Variants in ADGRL3 observed in about 807,000 individuals in gnomAD.
ADGRL3 encodes adhesion G protein-coupled receptor L3, also known as calcium-independent alpha-latrotoxin receptor 3.
In ADGRL3, 62 loss-of-function variants were observed where a neutral mutation model predicts 153.5. The ratio of observed to expected loss-of-function variants is 0.40; its 90% CI spans 0.33 to 0.50. The LOEUF is 0.50. Ranked by LOEUF, ADGRL3 falls within the 20% of genes least tolerant of loss-of-function variation. ADGRL3 has a pLI of 0.47. For synonymous variants in ADGRL3, 710 were observed against 672.5 expected, an observed-to-expected ratio of 1.06 and a Z score of -0.86; for missense variants, 1,641 against 1,859.4, an observed-to-expected ratio of 0.88 and a Z score of 2.16.
At chr4:61,374,624 G>C (rs1234582134) in intron 1 of ADGRL3, among the ~76,000 whole-genome samples, 1 of 150,636 alleles carries the variant, frequency 6.6e-6, no homozygotes, top group African/African-American at 2.5e-5. Flanking sequence ...ATGTGGGAAG[G>C]GGGCAGAGAA....
intron 1 of ADGRL3, among the ~76,000 whole-genome samples, chr4:61,374,858 G>C (rs1253073917): frequency 6.6e-6 from 1 of 151,914 alleles, no homozygotes; most frequent in Non-Finnish European, 1.5e-5. Context: ...ACTTTAGTTA[G>C]AATACATTTA....
At chr4:61,856,929 C>A (rs1245714904) in intron 9 of ADGRL3, among the ~76,000 whole-genome samples, 1 of 145,422 alleles carries the variant, frequency 6.9e-6, no homozygotes, top group Non-Finnish European at 1.5e-5. Flanking sequence ...CTCCCGCCCT[C>A]CCTCCTCCCT....
chr4:61,706,821 G>T (rs2095865865), intron 6 of ADGRL3, among the ~76,000 whole-genome samples: 1 of 152,092 alleles, frequency 6.6e-6, no homozygotes, highest in Non-Finnish European at 1.5e-5. Context: ...GTGTTCAATG[G>T]ATTAACACTT....
intron 1 of ADGRL3, among the ~76,000 whole-genome samples, chr4:61,314,204 T>A (rs1456872526): frequency 6.6e-6 from 1 of 151,716 alleles, no homozygotes; most frequent in Non-Finnish European, 1.5e-5. Flanking sequence ...ATACCTACTT[T>A]GAAGTTTTTT....
chr4:61,372,655 G>A (rs1349623387), intron 1 of ADGRL3, among the ~76,000 whole-genome samples: 1 of 152,312 alleles, frequency 6.6e-6, no homozygotes, highest in East Asian at 1.9e-4. Flanking sequence ...GGACGTTTAA[G>A]TCTGCAGAGG....
At chr4:61,824,531 A>G (rs1239905635) in intron 9 of ADGRL3, among the ~76,000 whole-genome samples, 1 of 152,162 alleles carries the variant, frequency 6.6e-6, no homozygotes, top group African/African-American at 2.4e-5. Flanking sequence ...ATAGTTTTAT[A>G]CCCGTATAGT....
intron 3 of ADGRL3, among the ~76,000 whole-genome samples, chr4:61,498,375 C>G (rs1174000018): frequency 1.3e-5 from 2 of 151,938 alleles, no homozygotes; most frequent in Non-Finnish European, 2.9e-5. Context: ...ACCGTGAAAC[C>G]CCGTCTCTAC....
chr4:61,845,408 T>A (rs1332662314), intron 9 of ADGRL3, among the ~76,000 whole-genome samples: 1 of 152,088 alleles, frequency 6.6e-6, no homozygotes, highest in Non-Finnish European at 1.5e-5. Flanking sequence ...GGGAGTACAG[T>A]GGCATGATCA....
chr4:61,614,392 AT>A (rs1197326554), intron 5 of ADGRL3, among the ~76,000 whole-genome samples: 2 of 152,172 alleles, frequency 1.3e-5, no homozygotes, highest in Non-Finnish European at 2.9e-5. Flanking sequence ...GAGGCAGTTA[AT>A]GTTTAAGGTC....
At chr4:61,535,241 T>G (rs2152972108) in intron 4 of ADGRL3, among the ~76,000 whole-genome samples, 1 of 152,222 alleles carries the variant, frequency 6.6e-6, no homozygotes, top group South Asian at 2.1e-4. Context: ...GTAAATCAAA[T>G]TTACTGAATT....
chr4:61,564,298 A>G (rs1420506701), intron 4 of ADGRL3, among the ~76,000 whole-genome samples: 1 of 152,022 alleles, frequency 6.6e-6, no homozygotes, highest in African/African-American at 2.4e-5. Context: ...TTTTTGAGAC[A>G]GGATCTCTCT....
chr4:61,603,276 G>T (rs2099019095), intron 5 of ADGRL3, among the ~76,000 whole-genome samples: 1 of 152,076 alleles, frequency 6.6e-6, no homozygotes, highest in Non-Finnish European at 1.5e-5. Context: ...CAGCACAGTG[G>T]GTGGCCAACT....
chr4:61,671,118 T>C (rs575499326), intron 5 of ADGRL3, among the ~76,000 whole-genome samples: 1 of 152,262 alleles, frequency 6.6e-6, no homozygotes, highest in East Asian at 1.9e-4. Context: ...CTCTCAATTT[T>C]ACTGAAATTA....
intron 9 of ADGRL3, among the ~76,000 whole-genome samples, chr4:61,823,500 G>A (rs554588548): frequency 1.3e-5 from 2 of 151,856 alleles, no homozygotes; most frequent in African/African-American, 2.4e-5. Context: ...ACATTTATTT[G>A]TTCCCAGCTC....
At chr4:61,743,863 G>A (rs1296317788) in intron 8 of ADGRL3, among the ~76,000 whole-genome samples, 1 of 152,212 alleles carries the variant, frequency 6.6e-6, no homozygotes, top group African/African-American at 2.4e-5. Flanking sequence ...AGTGGGCGCA[G>A]GACAGTGGGT....
At chr4:61,999,411 T>A (rs1352738185) in intron 21 of ADGRL3, among the ~76,000 whole-genome samples, 1 of 152,210 alleles carries the variant, frequency 6.6e-6, no homozygotes, top group Admixed American at 6.6e-5. Context: ...AACAAAAAAA[T>A]TATCGTGTTT....
In ADGRL3 at chr4:61,359,902, C is replaced by T. The variant is rs182935567; in HGVS notation, c.-239-23222C>T. On this transcript the variant is annotated intron_variant, in intron 1 of 26. Transcript: ENST00000683033. ...TAAATCACATAGTACATATTCAGCT[C>T]ATAGGAAGCAATATTATGATGATGT... is the stretch of plus-strand genomic sequence containing the variant. Among the ~76,000 whole-genome samples, 108 of 152,194 alleles carry T rather than the reference C, an allele frequency of 7.1e-4. 1 individual carries two copies. In the Middle Eastern group the frequency reaches 0.014, roughly 19 times the overall value.
intron 9 of ADGRL3, among the ~76,000 whole-genome samples, chr4:61,842,123 A>C (rs1406718795): frequency 5.3e-5 from 8 of 152,256 alleles, no homozygotes; most frequent in Non-Finnish European, 7.3e-5. Context: ...CTAGTGAATA[A>C]ATTCTATACA....
intron 5 of ADGRL3, among the ~76,000 whole-genome samples, chr4:61,595,482 C>T (rs75903519): frequency 0.011 from 1,639 of 151,988 alleles, 28 homozygotes; most frequent in African/African-American, 0.037. Context: ...GAATGGGGGC[C>T]TTATGATTCT....
Sources: gnomAD v4.1 joint callset for allele counts (sites outside exome capture counted in the v4.1 genomes callset) on GRCh38, gnomAD v4.1.1 for gene constraint, MANE v1.5 for transcripts, NCBI Gene and HGNC (gene_info 2026-07-23, HGNC 2026-07-21) for gene names.